Variants in ACSS2 observed in about 807,000 individuals in gnomAD.
ACSS2 encodes acyl-CoA synthetase short chain family member 2, also known as acetyl-coenzyme A synthetase, cytoplasmic.
A neutral mutation model predicts 90.6 loss-of-function variants in ACSS2; 58 were observed. The observed-to-expected ratio is 0.64, with a 90% CI of 0.52 to 0.80. The LOEUF (loss-of-function observed/expected upper bound fraction) is 0.80. Ranked by LOEUF, ACSS2 falls within the 30% of genes least tolerant of loss-of-function variation. The pLI is 0.00. For synonymous variants in ACSS2, 300 were observed against 330.9 expected (o/e 0.91, Z 1.01); for missense variants, 759 against 912.0 (o/e 0.83, Z 2.16).
intron 1 of ACSS2, among the ~76,000 whole-genome samples, chr20:34,877,536 G>A (rs1291352914): frequency 7.2e-5 from 11 of 151,976 alleles, no homozygotes. Context: ...GAGGAAAATC[G>A]GCCAGGAGCA....
chr20:34,894,657 A>C (rs1246913495), intron 2 of ACSS2, among the ~76,000 whole-genome samples: 1 of 152,120 alleles, frequency 6.6e-6, no homozygotes, highest in Non-Finnish European at 1.5e-5. Context: ...ACCCTGTCTC[A>C]AAAAAGAAGT....
intron 1 of ACSS2, among the ~76,000 whole-genome samples, chr20:34,877,526 G>A (rs1362557588): frequency 6.6e-6 from 1 of 152,080 alleles, no homozygotes; most frequent in Non-Finnish European, 1.5e-5. Context: ...TAAAATGTAT[G>A]AGGAAAATCG....
intron 2 of ACSS2, among the ~76,000 whole-genome samples, chr20:34,893,001 A>G (rs544420550): frequency 6.6e-6 from 1 of 152,314 alleles, no homozygotes; most frequent in Non-Finnish European, 1.5e-5. Context: ...TAGTTGGCCA[A>G]TATCTCTCAT....
At chr20:34,880,137 G>C (rs1481957286) in intron 1 of ACSS2, among the ~76,000 whole-genome samples, 17 of 152,118 alleles carry the variant, frequency 1.1e-4, no homozygotes, top group Non-Finnish European at 2.4e-4. Flanking sequence ...GTTGTTTCCA[G>C]TTTCACTATT....
In ACSS2 at chr20:34,913,809, T is replaced by C. The variant is rs754812244; in HGVS notation, c.627T>C (p.Ser209=). The change falls in exon 5 of 18, where the codon AGT becomes AGC. Residue 209 remains serine (S), a synonymous_variant. Transcript: ENST00000360596. ...LCERILDSSC[S]LLITTDAFYR... ...AACGGATCTTGGATTCCAGCTGCAG[T>C]CTTCTCATCACTACAGGTGACTAAT... 2.5e-6 allele frequency: 4 copies of C among 1,613,984 alleles called. No individual in the cohort carries two copies. Among genetic ancestry groups the C allele is most frequent in the Non-Finnish European group, 3.4e-6 (4 of 1,179,998 alleles).
Position 34,923,074 on chromosome 20 carries a change from A to G in ACSS2, c.1549-249A>G, listed in dbSNP as rs866823842. 2.5e-4 allele frequency: 106 copies of G among 428,238 alleles called. 1 individual carries two copies. The Middle Eastern group carries it at 3.9e-3, about 16-fold the overall frequency. 26.5% of individuals were successfully genotyped at this position (428,238 alleles called of 1,614,324 possible). A position where few individuals can be genotyped will look rare whatever the true frequency, so the allele number is the denominator to read the frequency against. On this transcript the variant is annotated intron_variant, in intron 13 of 17. Coordinates refer to ENST00000360596, the MANE Select transcript of ACSS2 (RefSeq NM_018677.4). ...ATATACTATTAATTTAATCCTCACA[A>G]TAACTTTGGAAGACAGAAAGTATTT...
chr20:34,899,864 C>T (rs1002588248), intron 2 of ACSS2, among the ~76,000 whole-genome samples: 4 of 152,168 alleles, frequency 2.6e-5, no homozygotes, highest in African/African-American at 9.7e-5. Flanking sequence ...AATAACGCTA[C>T]TACAAACCTT....
chr20:34,900,316 C>T (rs894121141), intron 2 of ACSS2, among the ~76,000 whole-genome samples: 23 of 150,486 alleles, frequency 1.5e-4, no homozygotes, highest in African/African-American at 4.2e-4. Flanking sequence ...ACTACAGGTG[C>T]GTGCCACCAT....
intron 7 of ACSS2, chr20:34,915,292 CTGTT>C (rs773857626): frequency 1.9e-6 from 3 of 1,613,380 alleles, no homozygotes; most frequent in Non-Finnish European, 1.7e-6. Flanking sequence ...CACCGCTTCT[CTGTT>C]TGCTTGTCTG....
chr20:34,915,316 C>G, intron 7 of ACSS2: 7 of 1,605,058 alleles, frequency 4.4e-6, no homozygotes, highest in Non-Finnish European at 6.0e-6. Context: ...GTGTGCTCAT[C>G]TGCCCTTTGC....
intron 4 of ACSS2, 47 bp from the exon 5 acceptor site, chr20:34,913,706 A>G (rs771643101): frequency 3.5e-5 from 55 of 1,566,342 alleles, no homozygotes; most frequent in Middle Eastern, 1.7e-4. Context: ...CATTCACTCA[A>G]TCCCTGGGGC....
chr20:34,901,359 T>G (rs2080653702), intron 2 of ACSS2, among the ~76,000 whole-genome samples: 1 of 152,102 alleles, frequency 6.6e-6, no homozygotes, highest in South Asian at 2.1e-4. Flanking sequence ...GCCCCTAAAG[T>G]GTTGGGATTA....
intron 2 of ACSS2, among the ~76,000 whole-genome samples, chr20:34,887,086 A>T (rs2080213498): frequency 6.6e-6 from 1 of 152,230 alleles, no homozygotes; most frequent in Non-Finnish European, 1.5e-5. Context: ...TGTTCACGGA[A>T]TAGTAGTATT....
intron 2 of ACSS2, among the ~76,000 whole-genome samples, chr20:34,912,806 A>C (rs748121882): frequency 6.6e-6 from 1 of 152,180 alleles, no homozygotes; most frequent in Admixed American, 6.5e-5. Flanking sequence ...TCCTTAATAC[A>C]TTACTAGGAT....
At chr20:34,920,054 C>G (rs547839978) in intron 8 of ACSS2, among the ~76,000 whole-genome samples, 1 of 152,310 alleles carries the variant, frequency 6.6e-6, no homozygotes, top group South Asian at 2.1e-4. Context: ...CTTCTGCCCA[C>G]TCCACCCCTA....
chr20:34,882,099 C>G (rs967462328), intron 1 of ACSS2, among the ~76,000 whole-genome samples: 1 of 152,152 alleles, frequency 6.6e-6, no homozygotes, highest in Non-Finnish European at 1.5e-5. Flanking sequence ...TACCTATAAT[C>G]CCAGCTTCTT....
At chr20:34,881,279 C>T (rs577242246) in intron 1 of ACSS2, among the ~76,000 whole-genome samples, 5 of 151,506 alleles carry the variant, frequency 3.3e-5, no homozygotes, top group East Asian at 1.9e-4. Flanking sequence ...TCAGGTGATC[C>T]GCCCGCCTTG....
chr20:34,919,630 G>C, intron 8 of ACSS2, 58 bp downstream of exon 8: 1 of 1,519,550 alleles, frequency 6.6e-7, no homozygotes, highest in Non-Finnish European at 8.9e-7. Flanking sequence ...TATTATGTAG[G>C]GGTAAGAAGT....
rs1161479949 is a variant in ACSS2, at chr20:34,927,251, C to T, written c.*37C>T. On this transcript the variant is annotated 3_prime_UTR_variant, in exon 18 of 18. Coordinates refer to ENST00000360596, the MANE Select transcript of ACSS2 (RefSeq NM_018677.4). This position sits in a 1 kb window ranked among gnomAD's most constrained non-coding sequence, Gnocchi z 4.2. ...ACCTTTACCTAGGATTCCTCCTGCTCCAAACTTTGCCCATCCTCTTTGCCC... is the reference window on the plus strand; with the variant it reads ...ACCTTTACCTAGGATTCCTCCTGCTTCAAACTTTGCCCATCCTCTTTGCCC... 2 of 1,608,534 alleles carry T rather than the reference C, an allele frequency of 1.2e-6. No homozygotes were observed. The highest frequency in any genetic ancestry group is 1.3e-5 in the African/African-American group (1 of 74,790).
Sources: allele counts gnomAD v4.1 joint callset (sites outside exome capture counted in the v4.1 genomes callset), GRCh38; gene constraint gnomAD v4.1.1; non-coding constraint Gnocchi (gnomAD v3.1); transcripts MANE v1.5; gene names NCBI Gene and HGNC (gene_info 2026-07-23, HGNC 2026-07-21).